The following AGMO variants were observed in gnomAD, a reference collection of about 807,000 sequenced individuals.
The protein encoded by AGMO is alkylglycerol monooxygenase, also known as glyceryl-ether monooxygenase.
AGMO carries 75 observed loss-of-function variants against 60.2 expected under a neutral mutation model. The ratio of observed to expected loss-of-function variants is 1.25; its 90% CI spans 1.03 to 1.51. The LOEUF is 1.51. Ranked by LOEUF, AGMO falls within the 40% of genes most tolerant of loss-of-function variation. The probability of loss-of-function intolerance (pLI) is 0.00; values close to 1 mark genes in which losing one functional copy is unlikely to be tolerated. For synonymous variants in AGMO, 261 were observed against 177.1 expected, an observed-to-expected ratio of 1.47 and a Z score of -3.76; for missense variants, 763 against 525.5, an observed-to-expected ratio of 1.45 and a Z score of -4.42.
At chr7:15,379,934 G>A (rs1783609511) in intron 10 of AGMO, among the ~76,000 whole-genome samples, 1 of 152,048 alleles carries the variant, frequency 6.6e-6, no homozygotes, top group Non-Finnish European at 1.5e-5. Context: ...AATAGATGCA[G>A]AAAAAGACTT....
chr7:15,349,663 A>T (rs891736979), intron 12 of AGMO, among the ~76,000 whole-genome samples: 1 of 152,148 alleles, frequency 6.6e-6, no homozygotes, highest in Non-Finnish European at 1.5e-5. Context: ...AGACTGGGTA[A>T]TTTATAAAGA....
chr7:15,548,476 C>T (rs1292207797), intron 2 of AGMO, among the ~76,000 whole-genome samples: 2 of 151,728 alleles, frequency 1.3e-5, no homozygotes, highest in Non-Finnish European at 2.9e-5. Flanking sequence ...CTTAAAGGAG[C>T]TGATGGAGCT....
intron 12 of AGMO, among the ~76,000 whole-genome samples, chr7:15,222,677 A>C (rs1424431950): frequency 5.9e-5 from 9 of 152,036 alleles, no homozygotes; most frequent in Non-Finnish European, 1.3e-4. Context: ...CTTACAGAAA[A>C]ATGGAAAGTT....
At chr7:15,423,340 T>C (rs1452452838) in intron 4 of AGMO, among the ~76,000 whole-genome samples, 5 of 152,222 alleles carry the variant, frequency 3.3e-5, no homozygotes. Context: ...CCTTAAGACA[T>C]ATCTACTTAG....
chr7:15,248,224 A>ATC lies in AGMO; in HGVS notation c.1264-46867_1264-46866dup, dbSNP rs1554401299. Among the ~76,000 whole-genome samples the ATC allele has an allele frequency of 8.7e-3, 856 of 98,360 alleles. 22 individuals carry two copies. The highest frequency in any genetic ancestry group is 0.034 in the African/African-American group (816 of 24,336). 64.5% of individuals were successfully genotyped at this position (98,360 alleles called of 152,430 possible). On this transcript the variant is annotated intron_variant, in intron 12 of 12. Coordinates refer to ENST00000342526, the MANE Select transcript of AGMO (RefSeq NM_001004320.2). The stretch of plus-strand genomic sequence containing the variant: ...TATATATATATATATATATATATAT[A>ATC]TCTTCATCTTCAATTCTAGTCTAAA...
At chr7:15,494,740 G>A (rs569035372) in intron 3 of AGMO, among the ~76,000 whole-genome samples, 1 of 152,342 alleles carries the variant, frequency 6.6e-6, no homozygotes, top group East Asian at 1.9e-4. Flanking sequence ...AAAAGATCTT[G>A]ACTTGAGTGC....
At chr7:15,536,621 T>A (rs1784488708) in intron 3 of AGMO, among the ~76,000 whole-genome samples, 1 of 151,888 alleles carries the variant, frequency 6.6e-6, no homozygotes, top group Non-Finnish European at 1.5e-5. Flanking sequence ...TAAGCAAGTA[T>A]CTCAGGTACT....
At chr7:15,318,213 C>T (rs35848017) in intron 12 of AGMO, among the ~76,000 whole-genome samples, 54,036 of 151,506 alleles carry the variant, frequency 0.36, 11,070 homozygotes, top group East Asian at 0.5. Flanking sequence ...CTGTGTTGGC[C>T]AGGCTGGTCT....
chr7:15,310,654 C>T (rs929476822), intron 12 of AGMO, among the ~76,000 whole-genome samples: 9 of 152,062 alleles, frequency 5.9e-5, no homozygotes, highest in African/African-American at 2.2e-4. Flanking sequence ...GGGAGTGCTT[C>T]TATTTCTGGT....
intron 3 of AGMO, among the ~76,000 whole-genome samples, chr7:15,503,841 A>G (rs1472724816): frequency 6.6e-6 from 1 of 152,042 alleles, no homozygotes; most frequent in Non-Finnish European, 1.5e-5. Flanking sequence ...TTTTTTCTGA[A>G]ATCACTGAGA....
chr7:15,238,601 ATAATT>A (rs1782495801), intron 12 of AGMO, among the ~76,000 whole-genome samples: 1 of 149,688 alleles, frequency 6.7e-6, no homozygotes. Context: ...CATTTTATTA[ATAATT>A]TAAAGGCTAT....
chr7:15,520,835 G>T (rs1783964121), intron 3 of AGMO, among the ~76,000 whole-genome samples: 1 of 152,030 alleles, frequency 6.6e-6, no homozygotes, highest in East Asian at 1.9e-4. Context: ...CAGAGGACAA[G>T]AAATAACTAA....
chr7:15,522,006 G>A (rs1172255629), intron 3 of AGMO, among the ~76,000 whole-genome samples: 1 of 152,134 alleles, frequency 6.6e-6, no homozygotes, highest in African/African-American at 2.4e-5. Flanking sequence ...AAAGTCTCAG[G>A]ATGCAAAATC....
At chr7:15,451,415 T>C (rs1583566199) in intron 3 of AGMO, among the ~76,000 whole-genome samples, 2 of 152,194 alleles carry the variant, frequency 1.3e-5, no homozygotes, top group Non-Finnish European at 2.9e-5. Flanking sequence ...ACAAAATACT[T>C]TAAACTGGAT....
intron 2 of AGMO, among the ~76,000 whole-genome samples, chr7:15,546,535 T>G (rs1367966994): frequency 6.6e-6 from 1 of 152,238 alleles, no homozygotes; most frequent in Non-Finnish European, 1.5e-5. Flanking sequence ...GGCAGACCTC[T>G]GCAGGTGTCC....
At chr7:15,499,705 T>C (rs1783326780) in intron 3 of AGMO, among the ~76,000 whole-genome samples, 1 of 151,784 alleles carries the variant, frequency 6.6e-6, no homozygotes, top group Admixed American at 6.6e-5. Context: ...GGCTATTTAT[T>C]ACTTCCAAAG....
intron 12 of AGMO, among the ~76,000 whole-genome samples, chr7:15,228,270 C>T (rs62448954): frequency 0.013 from 1,978 of 152,082 alleles, 29 homozygotes; most frequent in Non-Finnish European, 0.014. Flanking sequence ...TTGAGTGACA[C>T]GTGGTCAAAA....
chr7:15,232,122 T>C (rs1246176895), intron 12 of AGMO, among the ~76,000 whole-genome samples: 1 of 152,230 alleles, frequency 6.6e-6, no homozygotes, highest in African/African-American at 2.4e-5. Context: ...GATTTTCTTC[T>C]CGTTTCCTCA....
At chr7:15,306,736 T>C (rs1780626262) in intron 12 of AGMO, among the ~76,000 whole-genome samples, 1 of 152,078 alleles carries the variant, frequency 6.6e-6, no homozygotes, top group South Asian at 2.1e-4. Flanking sequence ...ATTGTACTAG[T>C]TCTTATAGGC....
Sources: allele counts gnomAD v4.1 joint callset (sites outside exome capture counted in the v4.1 genomes callset), GRCh38; gene constraint gnomAD v4.1.1; transcripts MANE v1.5; gene names NCBI Gene and HGNC (gene_info 2026-07-23, HGNC 2026-07-21).